SLC45A1: variants seen among roughly 807,000 people sequenced by gnomAD.
The protein encoded by SLC45A1 is solute carrier family 45 member 1.
SLC45A1 carries 28 observed loss-of-function variants against 57.6 expected under a neutral mutation model. That is an observed-to-expected ratio of 0.49 (90% CI 0.36 to 0.67). SLC45A1 has a LOEUF of 0.67. SLC45A1 is among the 30% of genes least tolerant of loss of function. The pLI is 0.00. For missense variants in SLC45A1, 814 were observed against 1,041.5 expected, an observed-to-expected ratio of 0.78 and a Z score of 3.01; for synonymous variants, 459 against 471.5, an observed-to-expected ratio of 0.97 and a Z score of 0.34.
Position 8,325,536 on chromosome 1 carries a change from C to G in SLC45A1, c.490+146C>G, listed in dbSNP as rs1294324067. The G allele has an allele frequency of 3.1e-6, 2 of 653,792 alleles. No individual in the cohort carries two copies. Among genetic ancestry groups the G allele is most frequent in the Admixed American group, 5.7e-5 (2 of 34,804 alleles). 40.5% of individuals were successfully genotyped at this position (653,792 alleles called of 1,614,324 possible). On this transcript the variant is annotated intron_variant, in intron 3 of 8. Transcript: ENST00000471889. The surrounding 1 kb of genome is among the most constrained non-coding windows in gnomAD (Gnocchi z 6.3). ...CACTGGTGTGAGGCAGGGAGTGCCC[C>G]GCAACCTGGCCTCAGTTAACTGTGA...
At position 8,330,627 on chromosome 1, in the gene SLC45A1, T is replaced by G. The variant is rs1640368864; in HGVS notation, c.1134T>G (p.Ile378Met). ...CGGCCAACATAGACAGCGTCCTCAT[T>G]GACTGCTTCACGGGCGGCCACGACA... Reference protein sequence around the residue: ...FGTANIDSVLIDCFTGGHDSY... With the variant: ...FGTANIDSVLMDCFTGGHDSY... The change falls in exon 5 of 9, where the codon ATT becomes ATG. Residue 378 changes from isoleucine (I) to methionine (M), a missense_variant. Transcript: ENST00000471889. The surrounding 1 kb of genome is among the most constrained non-coding windows in gnomAD (Gnocchi z 8.4). 6.2e-7 allele frequency: 1 copy of G among 1,613,474 alleles called. No individual in the cohort carries two copies.
chr1:8,338,296 C>T (rs1325346732), intron 7 of SLC45A1, among the ~76,000 whole-genome samples: 1 of 152,252 alleles, frequency 6.6e-6, no homozygotes, highest in African/African-American at 2.4e-5. Flanking sequence ...AACCCCAAGG[C>T]CACACCCAGG....
intron 5 of SLC45A1, among the ~76,000 whole-genome samples, chr1:8,332,390 C>T (rs2124309125): frequency 6.6e-6 from 1 of 152,288 alleles, no homozygotes. Context: ...GCGCCATCTT[C>T]CACGAAGGCC....
Position 8,327,035 on chromosome 1 carries a change from C to G in SLC45A1, c.715+993C>G, listed in dbSNP as rs114682979. Among the ~76,000 whole-genome samples the G allele has an allele frequency of 5.9e-3, 902 of 152,210 alleles. 5 individuals are homozygous for G. The highest frequency in any genetic ancestry group is 0.021 in the African/African-American group (852 of 41,532). On this transcript the variant is annotated intron_variant, in intron 4 of 8. Coordinates refer to ENST00000471889, the MANE Select transcript of SLC45A1 (RefSeq NM_001080397.3). The surrounding 1 kb of genome is among the most constrained non-coding windows in gnomAD (Gnocchi z 4.3). ...CTTGTTTCCAGTATGAGCGTGGAGA[C>G]GAGAAGGCAGAGCTCAGCCCTGCGG...
In SLC45A1 at chr1:8,326,477, T is replaced by A. The variant is rs536756211; in HGVS notation, c.715+435T>A. Among the ~76,000 whole-genome samples the A allele has an allele frequency of 3.6e-3, 548 of 152,324 alleles. 3 individuals carry two copies. Among genetic ancestry groups the A allele is most frequent in the Non-Finnish European group, 5.4e-3 (370 of 68,032 alleles). On this transcript the variant is annotated intron_variant, in intron 4 of 8. Transcript: ENST00000471889. This position sits in a 1 kb window ranked among gnomAD's most constrained non-coding sequence, Gnocchi z 5.5. ...TAAAACCCCTTATTTCATCTGTGCC[T>A]TTGGCTGATTAACATTGAATTGACG...
intron 6 of SLC45A1, among the ~76,000 whole-genome samples, chr1:8,337,078 G>A (rs1240730765): frequency 2.0e-5 from 3 of 152,244 alleles, no homozygotes; most frequent in African/African-American, 7.2e-5. Flanking sequence ...ACACGAAACT[G>A]GGTAATTTAT....
Position 8,325,157 on chromosome 1 carries a change from G to A in SLC45A1, c.398-141G>A, listed in dbSNP as rs1484312883. On this transcript the variant is annotated intron_variant, in intron 2 of 8. Transcript: ENST00000471889. This position sits in a 1 kb window ranked among gnomAD's most constrained non-coding sequence, Gnocchi z 6.3. Reference sequence around the variant, plus strand: ...CTTTGGTTTCCGAGTTCAGGGTTTTGTCACTGACTGTTTCATCATCTTATT... The same window carrying A: ...CTTTGGTTTCCGAGTTCAGGGTTTTATCACTGACTGTTTCATCATCTTATT... 4.8e-6 allele frequency: 3 copies of A among 618,872 alleles called. No homozygotes were observed. The highest frequency in any genetic ancestry group is 8.7e-6 in the Non-Finnish European group (3 of 345,958). The allele number at this position is 618,872 out of a possible 1,614,324, so 38.3% of individuals were successfully genotyped here.
chr1:8,338,813 C>G (rs1158332824), intron 7 of SLC45A1, among the ~76,000 whole-genome samples: 1 of 152,116 alleles, frequency 6.6e-6, no homozygotes, highest in Non-Finnish European at 1.5e-5. Context: ...AGGCTGCAGG[C>G]TGGACTTCGC....
At chr1:8,337,643 T>G (rs1164151522) in intron 6 of SLC45A1, among the ~76,000 whole-genome samples, 173 bp from the exon 7 acceptor site, 1 of 152,126 alleles carries the variant, frequency 6.6e-6, no homozygotes, top group African/African-American at 2.4e-5. Context: ...TGGTCTCGAT[T>G]TCCTGACCCT....
At chr1:8,324,177 A>T in intron 1 of SLC45A1, 129 bp from the exon 2 acceptor site, 1 of 865,464 alleles carries the variant, frequency 1.2e-6, no homozygotes, top group Non-Finnish European at 1.8e-6. Flanking sequence ...CGGAGCATCA[A>T]CCATGAGCAG....
Position 8,330,417 on chromosome 1 carries a change from C to T in SLC45A1, c.924C>T (p.Leu308=). ...GGGCAGCCATGAAGAGCCCCAGCCT[C>T]CCGCTGCCCCCGTCCCCACCCGTCC... ...EKRAAMKSPS[L]PLPPSPPVLP... The change falls in exon 5 of 9, where the codon CTC becomes CTT. Residue 308 remains leucine, a synonymous_variant. Coordinates refer to ENST00000471889, the MANE Select transcript of SLC45A1 (RefSeq NM_001080397.3). This position sits in a 1 kb window ranked among gnomAD's most constrained non-coding sequence, Gnocchi z 8.4. The T allele has an allele frequency of 6.2e-7, 1 of 1,611,626 alleles. No homozygotes were observed. Among genetic ancestry groups the T allele is most frequent in the South Asian group, 1.1e-5 (1 of 90,994 alleles).
chr1:8,321,736 G>A (rs768941661), intron 1 of SLC45A1, among the ~76,000 whole-genome samples: 3 of 151,848 alleles, frequency 2.0e-5, no homozygotes, highest in South Asian at 4.2e-4. Context: ...AGAACGGGTC[G>A]GTGGATGTGT....
At chr1:8,329,794 G>A (rs1286221449) in intron 4 of SLC45A1, among the ~76,000 whole-genome samples, 2 of 152,220 alleles carry the variant, frequency 1.3e-5, no homozygotes, top group East Asian at 1.9e-4. Flanking sequence ...ACAAACACCC[G>A]CATGCACACA....
chr1:8,339,691 G>T lies in SLC45A1; in HGVS notation c.1973G>T (p.Ser658Ile), dbSNP rs950413644. ...TCGCTGCTCTGCGATTACTATCAGA[G>T]TAAGAAGGTAAGTGCTCTCCCTTGT... is the stretch of plus-strand genomic sequence containing the variant. ...PYSLLCDYYQ[S>I]KKFAGSSADG... The change falls in exon 8 of 9, where the codon AGT becomes ATT. Residue 658 changes from serine (S) to isoleucine (I), a missense_variant. Transcript: ENST00000471889. The T allele has an allele frequency of 6.2e-7, 1 of 1,613,884 alleles. No individual in the cohort carries two copies. The highest frequency in any genetic ancestry group is 8.5e-7 in the Non-Finnish European group (1 of 1,179,738).
At position 8,335,714 on chromosome 1, in the gene SLC45A1, A is replaced by C; in HGVS notation, c.1597+124A>C. ...CTTTCTGAGTTCACCAGCCCCCAAC[A>C]ACAGCACCAAGGGCAGGCCTGGGGT... is the stretch of plus-strand genomic sequence containing the variant. On this transcript the variant is annotated intron_variant, in intron 6 of 8. Transcript: ENST00000471889. The surrounding 1 kb of genome is among the most constrained non-coding windows in gnomAD (Gnocchi z 4.1). 3 of 1,107,922 alleles carry C rather than the reference A, an allele frequency of 2.7e-6. No homozygotes were observed. The highest frequency in any genetic ancestry group is 3.7e-6 in the Non-Finnish European group (3 of 805,338). The allele number at this position is 1,107,922 out of a possible 1,614,324, so 68.6% of individuals were successfully genotyped here.
chr1:8,321,130 C>A (rs928706392), intron 1 of SLC45A1, among the ~76,000 whole-genome samples: 1 of 152,190 alleles, frequency 6.6e-6, no homozygotes, highest in African/African-American at 2.4e-5. Flanking sequence ...ACCTGCCAAT[C>A]ACCAGGTTTT....
At chr1:8,337,786 C>T (rs569417118) in intron 6 of SLC45A1, 30 bp from the exon 7 acceptor site, 52 of 1,601,644 alleles carry the variant, frequency 3.2e-5, no homozygotes, top group Non-Finnish European at 3.3e-5. Context: ...CCTTTGCCCC[C>T]GAGGTCATGA....
chr1:8,331,445 A>AAACACTTTT (rs59162459), intron 5 of SLC45A1, among the ~76,000 whole-genome samples: 10 of 14 alleles, frequency 0.71, 5 homozygotes, highest in African/African-American at 0.75. Flanking sequence ...TATTTTTAAA[A>AAACACTTTT]AAAAAATATT....
intron 1 of SLC45A1, among the ~76,000 whole-genome samples, chr1:8,320,468 C>A: frequency 6.6e-6 from 1 of 152,092 alleles, no homozygotes; most frequent in Non-Finnish European, 1.5e-5. Flanking sequence ...CATGGCGAAA[C>A]CCCATCTCTA....
Sources: gnomAD v4.1 joint callset for allele counts (sites outside exome capture counted in the v4.1 genomes callset) on GRCh38, gnomAD v4.1.1 for gene constraint, Gnocchi (gnomAD v3.1) non-coding constraint, MANE v1.5 for transcripts, NCBI Gene and HGNC (gene_info 2026-07-23, HGNC 2026-07-21) for gene names.